The following SNX9 variants were observed in gnomAD, a reference collection of about 807,000 sequenced individuals.
SNX9 encodes the protein sorting nexin 9.
SNX9 carries 44 observed loss-of-function variants against 89.4 expected under a neutral mutation model. That is an observed-to-expected ratio of 0.49 (90% CI 0.39 to 0.63). SNX9 has a LOEUF of 0.63. Ranked by LOEUF, SNX9 falls within the 30% of genes least tolerant of loss-of-function variation. The pLI, the probability that SNX9 is intolerant of heterozygous loss-of-function variation, is 0.00. For missense variants in SNX9, 578 were observed against 736.1 expected, an observed-to-expected ratio of 0.79 and a Z score of 2.49; for synonymous variants, 236 against 247.8, an observed-to-expected ratio of 0.95 and a Z score of 0.45.
chr6:157,926,165 G>A (rs1379616716), intron 10 of SNX9, among the ~76,000 whole-genome samples: 2 of 152,138 alleles, frequency 1.3e-5, no homozygotes, highest in African/African-American at 2.4e-5. Context: ...TAGCAGAAAA[G>A]CAAAGAAATG....
At chr6:157,929,659 T>C (rs1364893226) in intron 12 of SNX9, among the ~76,000 whole-genome samples, 1 of 152,248 alleles carries the variant, frequency 6.6e-6, no homozygotes, top group African/African-American at 2.4e-5. Context: ...CCTACTTTTC[T>C]ATCAGCCTTT....
intron 1 of SNX9, among the ~76,000 whole-genome samples, chr6:157,845,274 A>T (rs1781786298): frequency 6.6e-6 from 1 of 151,878 alleles, no homozygotes; most frequent in African/African-American, 2.4e-5. Context: ...ATGCCCAGCT[A>T]ATTTTTTTTG....
chr6:157,873,072 CTTTTTTTT>C, intron 2 of SNX9, 22 bp from the exon 3 acceptor site: 2 of 1,323,890 alleles, frequency 1.5e-6, no homozygotes, highest in Non-Finnish European at 1.0e-6. Flanking sequence ...TAATCTTTTT[CTTTTTTTT>C]TTTTTTTTGG....
intron 9 of SNX9, among the ~76,000 whole-genome samples, chr6:157,914,571 G>C (rs189082569): frequency 6.9e-6 from 1 of 145,710 alleles, no homozygotes; most frequent in Non-Finnish European, 1.5e-5. Flanking sequence ...TGACCTCCCG[G>C]GCTCAAGCAG....
chr6:157,824,124 C>T (rs1230137887), intron 1 of SNX9, among the ~76,000 whole-genome samples: 1 of 152,234 alleles, frequency 6.6e-6, no homozygotes, highest in Non-Finnish European at 1.5e-5. Flanking sequence ...TGAAAAAAGG[C>T]CCAGGCCCGA....
chr6:157,852,771 T>G (rs11751904), intron 1 of SNX9, among the ~76,000 whole-genome samples: 9,328 of 152,064 alleles, frequency 0.061, 316 homozygotes, highest in South Asian at 0.1. Flanking sequence ...ACAGGGTCTC[T>G]CCACGGTGCC....
At chr6:157,935,927 A>G in intron 13 of SNX9, 37 bp from the exon 14 acceptor site, 5 of 1,461,728 alleles carry the variant, frequency 3.4e-6, no homozygotes, top group Non-Finnish European at 4.7e-6. Context: ...GAAAATATGC[A>G]TAACTTATAA....
At chr6:157,938,959 G>A (rs1583250069) in intron 16 of SNX9, among the ~76,000 whole-genome samples, 1 of 152,152 alleles carries the variant, frequency 6.6e-6, no homozygotes, top group African/African-American at 2.4e-5. Flanking sequence ...ATGACAGCTT[G>A]ATTAAAACTG....
intron 1 of SNX9, among the ~76,000 whole-genome samples, chr6:157,835,277 T>A (rs1205028160): frequency 1.3e-5 from 2 of 152,192 alleles, no homozygotes; most frequent in African/African-American, 4.8e-5. Context: ...CCCCTCAAAG[T>A]GCTGGGATTA....
At chr6:157,939,214 C>A (rs953549403) in intron 16 of SNX9, among the ~76,000 whole-genome samples, 1 of 151,938 alleles carries the variant, frequency 6.6e-6, no homozygotes, top group Non-Finnish European at 1.5e-5. Context: ...TGGATTTTTC[C>A]TGTTGGCGGA....
intron 1 of SNX9, among the ~76,000 whole-genome samples, chr6:157,859,817 A>G (rs537118053): frequency 1.1e-4 from 17 of 152,332 alleles, no homozygotes; most frequent in Admixed American, 6.5e-4. Flanking sequence ...CTCTTTATGT[A>G]TCAGAAGATT....
At chr6:157,849,496 C>G (rs1781866747) in intron 1 of SNX9, among the ~76,000 whole-genome samples, 1 of 152,194 alleles carries the variant, frequency 6.6e-6, no homozygotes, top group South Asian at 2.1e-4. Context: ...TCAAAAGGTC[C>G]TTGGCGCTGC....
chr6:157,901,423 G>T (rs974089646), intron 5 of SNX9, among the ~76,000 whole-genome samples: 1 of 152,180 alleles, frequency 6.6e-6, no homozygotes, highest in Admixed American at 6.5e-5. Context: ...CAAGGCCAGC[G>T]CCAAGGAGCT....
intron 4 of SNX9, among the ~76,000 whole-genome samples, chr6:157,895,594 G>A (rs1782961486): frequency 6.6e-6 from 1 of 151,794 alleles, no homozygotes; most frequent in South Asian, 2.1e-4. Context: ...ATGTGCTGAT[G>A]TACCTTGCAG....
intron 1 of SNX9, among the ~76,000 whole-genome samples, chr6:157,831,651 C>G (rs1781481330): frequency 1.3e-5 from 2 of 152,220 alleles, no homozygotes; most frequent in African/African-American, 4.8e-5. Flanking sequence ...AATCCTGCCT[C>G]AGCACATGTG....
Position 157,921,619 on chromosome 6 carries a change from A to G in SNX9, c.1038A>G (p.Glu346=). ...TRMCRHPVIS[E]SEVFQQFLNF... ...TGTGTCGCCATCCAGTAATCTCAGA[A>G]AGTGAAGTTTTCCAGCAGTTCCTAA... is the stretch of plus-strand genomic sequence containing the variant. Residue 346 remains glutamate (E), a synonymous_variant, in exon 10 of 18, where the codon GAA becomes GAG. Coordinates refer to ENST00000392185, the MANE Select transcript of SNX9 (RefSeq NM_016224.5). 1 of 1,614,098 alleles carries G rather than the reference A, an allele frequency of 6.2e-7. No individual in the cohort carries two copies. Among genetic ancestry groups the G allele is most frequent in the Non-Finnish European group, 8.5e-7 (1 of 1,179,952 alleles).
At position 157,940,909 on chromosome 6, in the gene SNX9, C is replaced by G. The variant is rs758757406; in HGVS notation, c.1675C>G (p.Arg559Gly). The G allele has an allele frequency of 3.1e-6, 5 of 1,614,092 alleles. No individual in the cohort carries two copies. Reference protein sequence around the residue: ...QAEMNHFHSNRIYDYNSVIRL... With the variant: ...QAEMNHFHSNGIYDYNSVIRL... ...TGAGATGAATCACTTTCACAGTAAC[C>G]GGATCTATGATTACAACAGTGTCAT... The change falls in exon 17 of 18, where the codon CGG becomes GGG. Residue 559 changes from arginine (R) to glycine (G), a missense_variant. Physicochemically the swap from Arg to Gly is moderately radical, Grantham distance 125. Transcript: ENST00000392185.
Position 157,867,596 on chromosome 6 carries a change from C to A in SNX9, c.62C>A (p.Thr21Lys). Residue 21 changes from threonine to lysine, a missense_variant, in exon 2 of 18, where the codon ACG becomes AAG. By Grantham distance (78) the Thr-to-Lys change is moderately conservative (BLOSUM62 -1). Coordinates refer to ENST00000392185, the MANE Select transcript of SNX9 (RefSeq NM_016224.5). ...FAAEPGNNEL[T>K]VNEGEIITIT... ...GCTGAACCTGGAAATAATGAACTGA[C>A]GGTTAATGAAGGAGAAATCATCACA... 6.2e-7 allele frequency: 1 copy of A among 1,612,092 alleles called. No individual in the cohort carries two copies. The highest frequency in any genetic ancestry group is 2.2e-5 in the East Asian group (1 of 44,852).
chr6:157,935,818 T>G, intron 13 of SNX9, 146 bp from the exon 14 acceptor site: 1 of 603,284 alleles, frequency 1.7e-6, no homozygotes, highest in Non-Finnish European at 2.8e-6. Flanking sequence ...TGGTGGGTGA[T>G]GGGCATTCAT....
Sources: gnomAD v4.1 joint callset for allele counts (sites outside exome capture counted in the v4.1 genomes callset) on GRCh38, gnomAD v4.1.1 for gene constraint, MANE v1.5 for transcripts, NCBI Gene and HGNC (gene_info 2026-07-23, HGNC 2026-07-21) for gene names.